Variants in NTRK3 observed in about 807,000 individuals in gnomAD.
The protein encoded by NTRK3 is neurotrophic receptor tyrosine kinase 3, also known as NT-3 growth factor receptor.
A neutral mutation model predicts 91.7 loss-of-function variants in NTRK3; 24 were observed. That is an observed-to-expected ratio of 0.26 (90% confidence interval 0.19 to 0.37). NTRK3 has a LOEUF of 0.37. Ranked by LOEUF, NTRK3 falls within the 10% of genes least tolerant of loss-of-function variation. The probability of loss-of-function intolerance (pLI) is 1.00; values close to 1 mark genes in which losing one functional copy is unlikely to be tolerated. For missense variants in NTRK3, 880 were observed against 1,068.9 expected, an observed-to-expected ratio of 0.82 and a Z score of 2.46; for synonymous variants, 483 against 404.0, an observed-to-expected ratio of 1.20 and a Z score of -2.34.
chr15:88,203,297 C>G (rs1373759338), intron 3 of NTRK3, among the ~76,000 whole-genome samples: 2 of 152,168 alleles, frequency 1.3e-5, no homozygotes, highest in African/African-American at 4.8e-5. Context: ...AACTAAGACA[C>G]CTTTTTGTCT....
chr15:88,248,908 A>G (rs565079288), intron 3 of NTRK3, among the ~76,000 whole-genome samples: 128 of 152,332 alleles, frequency 8.4e-4, no homozygotes, highest in African/African-American at 3.0e-3. Context: ...AGGGCACTGA[A>G]CTTCAACAGG....
intron 18 of NTRK3, among the ~76,000 whole-genome samples, 184 bp downstream of exon 19, chr15:87,880,086 C>T (rs2065158820): frequency 1.3e-5 from 2 of 152,042 alleles, no homozygotes; most frequent in African/African-American, 4.8e-5. Flanking sequence ...GACAATTACA[C>T]CACATTTCCT....
intron 5 of NTRK3, among the ~76,000 whole-genome samples, chr15:88,161,831 G>A (rs530191536): frequency 3.9e-5 from 6 of 152,248 alleles, no homozygotes; most frequent in African/African-American, 1.4e-4. Context: ...CACAGAGGTC[G>A]GCCTTTTGGT....
chr15:88,155,793 C>T (rs1291766049), intron 5 of NTRK3, among the ~76,000 whole-genome samples: 1 of 150,428 alleles, frequency 6.6e-6, no homozygotes, highest in East Asian at 1.9e-4. Flanking sequence ...ATCAATTCAA[C>T]TTGTAATCTA....
rs149041008 is a variant in NTRK3 at position 88,093,990 on chromosome 15, T to G, written c.1396+32281A>C. On this transcript the variant is annotated intron_variant, in intron 13 of 18. Transcript: ENST00000394480. ...AGCCTCAGCAAGGTCACCTGTGTGG[T>G]GGTGCCAGGATTTGACCTAAACCCT... Among the ~76,000 whole-genome samples the G allele has an allele frequency of 4.1e-4, 62 of 152,186 alleles. 1 individual carries two copies. In the East Asian group the frequency reaches 0.011, roughly 27 times the overall value.
chr15:88,157,042 C>T (rs1298148749), intron 5 of NTRK3, among the ~76,000 whole-genome samples: 1 of 152,130 alleles, frequency 6.6e-6, no homozygotes, highest in East Asian at 1.9e-4. Context: ...ATCCTGTACC[C>T]TGCAGGGTGC....
chr15:87,894,388 C>T (rs926433010), intron 17 of NTRK3, among the ~76,000 whole-genome samples: 1 of 152,218 alleles, frequency 6.6e-6, no homozygotes, highest in Non-Finnish European at 1.5e-5. Flanking sequence ...TATACATACA[C>T]ACATCCATAC....
chr15:88,161,440 T>C (rs1275799483), intron 5 of NTRK3, among the ~76,000 whole-genome samples: 1 of 152,148 alleles, frequency 6.6e-6, no homozygotes, highest in Non-Finnish European at 1.5e-5. Flanking sequence ...TCACTGCCTG[T>C]CACCACCACT....
chr15:88,005,886 C>A (rs1015209406), intron 14 of NTRK3, among the ~76,000 whole-genome samples: 1 of 152,144 alleles, frequency 6.6e-6, no homozygotes, highest in African/African-American at 2.4e-5. Context: ...ATCTTCACAT[C>A]AATATGGTAA....
exon 19 of NTRK3, chr15:87,865,867 G>A (rs1346346240): frequency 4.4e-6 from 1 of 228,626 alleles, no homozygotes; most frequent in Non-Finnish European, 8.7e-6. Context: ...TCCATCACTA[G>A]ATACTCAAAG....
intron 13 of NTRK3, among the ~76,000 whole-genome samples, chr15:88,110,680 G>A (rs2051244779): frequency 1.3e-5 from 2 of 152,204 alleles, no homozygotes; most frequent in South Asian, 4.1e-4. Context: ...GCTACAGAGG[G>A]AAGGTGCATG....
At chr15:88,002,327 T>C (rs2076169667) in intron 14 of NTRK3, among the ~76,000 whole-genome samples, 1 of 151,994 alleles carries the variant, frequency 6.6e-6, no homozygotes, top group African/African-American at 2.4e-5. Flanking sequence ...CAGCCAAGGA[T>C]GGATAATGGA....
In NTRK3 at chr15:88,033,176, TTATATATATA is replaced by T. The variant is rs149279639; in HGVS notation, c.1397-141_1397-132del. 105 of 196,058 alleles carry T rather than the reference TTATATATATA, an allele frequency of 5.4e-4. 8 individuals are homozygous for T. The highest frequency in any genetic ancestry group is 1.8e-3 in the African/African-American group (29 of 16,304). 12.1% of individuals were successfully genotyped at this position (196,058 alleles called of 1,614,324 possible). On this transcript the variant is annotated intron_variant, in intron 13 of 18. Coordinates refer to ENST00000394480, the Ensembl canonical transcript of NTRK3. ...CTTTTTTTTACTTTTGGGGGGTGTG[TTATATATATA>T]TATATATATATATATATATATATAT...
At chr15:88,022,738 T>C (rs1440407603) in intron 14 of NTRK3, among the ~76,000 whole-genome samples, 1 of 152,204 alleles carries the variant, frequency 6.6e-6, no homozygotes, top group Non-Finnish European at 1.5e-5. Flanking sequence ...GTCTCATCAT[T>C]CTTCCCCTCC....
chr15:88,009,100 T>C (rs910151894), intron 14 of NTRK3, among the ~76,000 whole-genome samples: 2 of 152,208 alleles, frequency 1.3e-5, no homozygotes, highest in Non-Finnish European at 2.9e-5. Flanking sequence ...CTGCATGTTT[T>C]TGAGGCTTAT....
chr15:88,087,866 T>C (rs752634562), intron 13 of NTRK3, among the ~76,000 whole-genome samples: 9 of 152,136 alleles, frequency 5.9e-5, no homozygotes, highest in Non-Finnish European at 1.0e-4. Context: ...CTGGCCAACA[T>C]GGTGAAACCT....
At chr15:88,099,859 C>T (rs564735040) in intron 13 of NTRK3, among the ~76,000 whole-genome samples, 3 of 151,974 alleles carry the variant, frequency 2.0e-5, no homozygotes, top group Admixed American at 2.0e-4. Flanking sequence ...TAGAGATAAC[C>T]GACAGCATGG....
intron 13 of NTRK3, among the ~76,000 whole-genome samples, chr15:88,037,734 T>C (rs1006926617): frequency 4.6e-5 from 7 of 152,226 alleles, no homozygotes; most frequent in African/African-American, 1.7e-4. Context: ...AGTCAAATTA[T>C]AGTGAGTTGA....
chr15:87,957,682 G>C (rs1412011661), intron 14 of NTRK3, among the ~76,000 whole-genome samples: 1 of 152,182 alleles, frequency 6.6e-6, no homozygotes, highest in African/African-American at 2.4e-5. Flanking sequence ...TGTAAGGTGG[G>C]GTGACAGACT....
Sources: allele counts gnomAD v4.1 joint callset (sites outside exome capture counted in the v4.1 genomes callset), GRCh38; gene constraint gnomAD v4.1.1; transcripts MANE v1.5; gene names NCBI Gene and HGNC (gene_info 2026-07-23, HGNC 2026-07-21).